FSTL4: variants seen among roughly 807,000 people sequenced by gnomAD.
FSTL4 encodes follistatin-related protein 4.
A neutral mutation model predicts 78.2 loss-of-function variants in FSTL4; 28 were observed. The observed-to-expected ratio is 0.36, with a 90% confidence interval of 0.27 to 0.49. The LOEUF is 0.49. FSTL4 is among the 20% of genes least tolerant of loss of function. The pLI is 0.98. For missense variants in FSTL4, 922 were observed against 1,084.9 expected (o/e 0.85, Z 2.11); for synonymous variants, 422 against 440.5 (o/e 0.96, Z 0.53).
At chr5:133,503,355 T>C (rs1265633061) in intron 3 of FSTL4, among the ~76,000 whole-genome samples, 1 of 152,172 alleles carries the variant, frequency 6.6e-6, no homozygotes, top group Admixed American at 6.5e-5. Context: ...GTGTGATTGC[T>C]CCTAACATGG....
chr5:133,354,698 T>C (rs140025765), intron 4 of FSTL4, among the ~76,000 whole-genome samples: 1 of 152,310 alleles, frequency 6.6e-6, no homozygotes, highest in African/African-American at 2.4e-5. Context: ...CTGGTATAAC[T>C]AAGGGCACAG....
In FSTL4 at chr5:133,611,938, C is replaced by A. The variant is rs1161292961; in HGVS notation, c.-11+387G>T. On this transcript the variant is annotated intron_variant, in intron 1 of 15. Coordinates refer to ENST00000265342, the MANE Select transcript of FSTL4 (RefSeq NM_015082.2). This position sits in a 1 kb window ranked among gnomAD's most constrained non-coding sequence, Gnocchi z 4.9. The stretch of plus-strand genomic sequence containing the variant: ...CCGGGGCCGCTCGGGGTCCTGAACC[C>A]AAGAACGGCGCCTGCAGGATTTCGG... Among the ~76,000 whole-genome samples the A allele has an allele frequency of 3.3e-5, 5 of 152,088 alleles. No individual in the cohort carries two copies. The East Asian group carries it at 7.8e-4, about 24-fold the overall frequency.
chr5:133,573,313 T>C (rs922810043), intron 2 of FSTL4, among the ~76,000 whole-genome samples: 1 of 151,830 alleles, frequency 6.6e-6, no homozygotes, highest in East Asian at 1.9e-4. Flanking sequence ...ATTGGCATAA[T>C]AGAGAAAACA....
Position 133,202,029 on chromosome 5 carries a change from G to A in FSTL4, c.1730C>T (p.Ala577Val). The A allele has an allele frequency of 6.2e-7, 1 of 1,607,932 alleles. No individual in the cohort carries two copies. The highest frequency in any genetic ancestry group is 1.7e-5 in the Admixed American group (1 of 59,658). ...GAGGTGCTGGCTCTGGCCGGTGCTG[G>A]CTTCTGTGATCACCTACAACACAGA... ...SRPSLQVITE[A>V]STGQSQHLIR... Residue 577 changes from alanine (A) to valine (V), a missense_variant, in exon 15 of 16, where the codon GCC becomes GTC. Physicochemically the swap from Ala to Val is moderately conservative, Grantham distance 64. Transcript: ENST00000265342.
the FSTL4 span, among the ~76,000 whole-genome samples, chr5:133,817,803 A>G: frequency 6.6e-6 from 1 of 152,244 alleles, no homozygotes; most frequent in Admixed American, 6.5e-5. Flanking sequence ...GCTGGGACAG[A>G]GAATAAAGAA....
intron 3 of FSTL4, among the ~76,000 whole-genome samples, chr5:133,507,675 A>G: frequency 6.6e-6 from 1 of 151,788 alleles, no homozygotes; most frequent in African/African-American, 2.4e-5. Context: ...GGCGCCCGAC[A>G]CCATGCCCGG....
chr5:133,367,480 G>C (rs1399744498), intron 4 of FSTL4, among the ~76,000 whole-genome samples: 4 of 152,158 alleles, frequency 2.6e-5, no homozygotes, highest in African/African-American at 4.8e-5. Context: ...TCCCAGAAAG[G>C]CCTGCGTTTT....
chr5:133,483,849 C>T (rs1332036281), intron 3 of FSTL4, among the ~76,000 whole-genome samples: 1 of 152,156 alleles, frequency 6.6e-6, no homozygotes, highest in Admixed American at 6.5e-5. Context: ...TCACCCAGGG[C>T]AAGGCCTTGC....
intron 14 of FSTL4, among the ~76,000 whole-genome samples, chr5:133,204,570 A>T (rs1750432072): frequency 6.6e-6 from 1 of 152,106 alleles, no homozygotes; most frequent in Non-Finnish European, 1.5e-5. Flanking sequence ...GGTGGCTCAC[A>T]CCTGTAATCC....
At chr5:133,565,423 G>A (rs892447713) in intron 3 of FSTL4, among the ~76,000 whole-genome samples, 14 of 152,292 alleles carry the variant, frequency 9.2e-5, no homozygotes, top group South Asian at 6.2e-4. Flanking sequence ...AAGCATTGAC[G>A]TTACAGCACT....
the FSTL4 span, among the ~76,000 whole-genome samples, chr5:133,623,739 A>G: frequency 3.3e-5 from 5 of 152,164 alleles, no homozygotes; most frequent in East Asian, 1.9e-4. Flanking sequence ...ATTTGCATAT[A>G]TATCTGATAA....
At chr5:133,335,981 C>G (rs1177367935) in intron 4 of FSTL4, among the ~76,000 whole-genome samples, 1 of 152,172 alleles carries the variant, frequency 6.6e-6, no homozygotes, top group South Asian at 2.1e-4. Context: ...ATAACCATTC[C>G]AAATATCTGG....
chr5:133,569,002 T>C (rs1026413109), intron 2 of FSTL4, among the ~76,000 whole-genome samples: 5 of 152,260 alleles, frequency 3.3e-5, no homozygotes, highest in Admixed American at 3.3e-4. Flanking sequence ...TTTTGAATAT[T>C]TCTTTTTTGT....
chr5:133,724,953 A>G, the FSTL4 span, among the ~76,000 whole-genome samples: 4 of 152,218 alleles, frequency 2.6e-5, no homozygotes, highest in African/African-American at 9.6e-5. Flanking sequence ...GCATTCCAGC[A>G]CCATTTGTTG....
At chr5:133,320,016 G>A (rs1200915022) in intron 4 of FSTL4, among the ~76,000 whole-genome samples, 4 of 152,096 alleles carry the variant, frequency 2.6e-5, no homozygotes, top group South Asian at 2.1e-4. Flanking sequence ...GTCCAAACTC[G>A]CTTTTTGGGA....
At chr5:133,747,637 T>C in the FSTL4 span, among the ~76,000 whole-genome samples, 3 of 152,338 alleles carry the variant, frequency 2.0e-5, no homozygotes, top group South Asian at 2.1e-4. Context: ...AACTAGATTA[T>C]GTAATCAGGC....
the FSTL4 span, among the ~76,000 whole-genome samples, chr5:133,759,874 G>A: frequency 6.6e-6 from 1 of 152,146 alleles, no homozygotes; most frequent in African/African-American, 2.4e-5. Context: ...TTCCCACTGT[G>A]CTTCTCTGTT....
At chr5:133,809,169 C>A in the FSTL4 span, among the ~76,000 whole-genome samples, 1 of 151,894 alleles carries the variant, frequency 6.6e-6, no homozygotes, top group African/African-American at 2.4e-5. Flanking sequence ...GGTTCGAGAC[C>A]GGCCTGGCCA....
chr5:133,354,727 T>C (rs1273030738), intron 4 of FSTL4, among the ~76,000 whole-genome samples: 9 of 152,244 alleles, frequency 5.9e-5, no homozygotes, highest in African/African-American at 2.2e-4. Context: ...CTCTAGCTGA[T>C]GGCCTTGAGA....
Sources: allele counts gnomAD v4.1 joint callset (sites outside exome capture counted in the v4.1 genomes callset), GRCh38; gene constraint gnomAD v4.1.1; non-coding constraint Gnocchi (gnomAD v3.1); transcripts MANE v1.5; gene names NCBI Gene and HGNC (gene_info 2026-07-23, HGNC 2026-07-21).